MED23: variants seen among roughly 807,000 people sequenced by gnomAD.
The protein encoded by MED23 is mediator complex subunit 23.
Under a neutral mutation model 163.9 loss-of-function variants are expected in MED23, and 105 were observed. That is an observed-to-expected ratio of 0.64 (90% CI 0.55 to 0.75). MED23 has a LOEUF of 0.75. Among genes scored for constraint, MED23 ranks in the 30% least tolerant of loss-of-function variants. The probability of loss-of-function intolerance (pLI) is 0.00; values close to 1 mark genes in which losing one functional copy is unlikely to be tolerated. For missense variants in MED23, 1,054 were observed against 1,649.0 expected (o/e 0.64, Z 6.25); for synonymous variants, 561 against 565.6 (o/e 0.99, Z 0.12).
rs1239088695 is a variant in MED23 at position 131,604,215 on chromosome 6, A to G, written c.1719T>C (p.Tyr573=). ...LVETYSRLLV[Y]MEIESLGIKG... is the part of the protein sequence containing the mutation. ...TGATGCCCAAAGACTCTATTTCCAT[A>G]TAGACCAATAAACGACTGTAAGTTT... The change falls in exon 15 of 29, where the codon TAT becomes TAC. Residue 573 remains tyrosine (Y), a synonymous_variant. Transcript: ENST00000368068. 6.2e-7 allele frequency: 1 copy of G among 1,613,582 alleles called. No individual in the cohort carries two copies. The highest frequency in any genetic ancestry group is 2.2e-5 in the East Asian group (1 of 44,866).
chr6:131,581,203 A>AT lies in MED23; in HGVS notation c.4095+6505dup, dbSNP rs766750593. 3.1e-6 allele frequency: 5 copies of AT among 1,613,588 alleles called. No individual in the cohort carries two copies. Among genetic ancestry groups the AT allele is most frequent in the Non-Finnish European group, 4.2e-6 (5 of 1,179,634 alleles). On this transcript the variant is annotated intron_variant, in intron 30 of 30. Transcript: ENST00000354577. ...ACTGCAAACCTGATGTTCACACAAA[A>AT]TTTTTTCCCCAAAAGTTTGGCAATT...
Position 131,610,114 on chromosome 6 carries a change from G to A in MED23, c.1009C>T (p.Gln337Ter), listed in dbSNP as rs762706206. The A allele has an allele frequency of 6.2e-7, 1 of 1,614,042 alleles. No homozygotes were observed. The highest frequency in any genetic ancestry group is 8.5e-7 in the Non-Finnish European group (1 of 1,179,956). ...TGGAAAAGCACAAAGAAAATGAGCT[G>A]ACTTGAGAGATGCTGCCACAGGAGT... ...SQLLWQHLSS[Q>*]LIFFVLFQFA... The change falls in exon 11 of 29, where the codon CAG (glutamine) becomes TAG (stop). Residue 337 changes from glutamine to a stop codon, truncating the protein, a stop_gained. Transcript: ENST00000368068. LOFTEE classifies it high-confidence loss of function.
At chr6:131,590,497 ATTTTG>A in intron 26 of MED23, 55 bp from the exon 27 acceptor site, 1 of 1,360,718 alleles carries the variant, frequency 7.3e-7, no homozygotes, top group Non-Finnish European at 1.0e-6. Context: ...AATTGTTTGA[ATTTTG>A]TTCATACAGT....
At chr6:131,612,403 A>G (rs916551532) in intron 10 of MED23, among the ~76,000 whole-genome samples, 2 of 152,090 alleles carry the variant, frequency 1.3e-5, no homozygotes, top group Non-Finnish European at 2.9e-5. Flanking sequence ...ACTCTCTACT[A>G]CATAGCAGAT....
chr6:131,601,954 A>G (rs1775516879), intron 17 of MED23, among the ~76,000 whole-genome samples: 2 of 152,248 alleles, frequency 1.3e-5, no homozygotes, highest in African/African-American at 4.8e-5. Flanking sequence ...AAGAGTGTAA[A>G]GCAGTCCTGA....
chr6:131,597,838 C>A (rs1184738186), intron 20 of MED23, among the ~76,000 whole-genome samples: 1 of 152,106 alleles, frequency 6.6e-6, no homozygotes, highest in African/African-American at 2.4e-5. Context: ...GTAATCCCAG[C>A]ACTTTGGGAA....
chr6:131,593,231 T>C, intron 23 of MED23, 60 bp from the exon 24 acceptor site: 1 of 1,598,394 alleles, frequency 6.3e-7, no homozygotes. Flanking sequence ...ATTTATCTGA[T>C]TATGAGCTGC....
chr6:131,587,963 T>C, intron 28 of MED23, 117 bp from the exon 29 acceptor site: 1 of 846,872 alleles, frequency 1.2e-6, no homozygotes. Flanking sequence ...GTGGGGTAGA[T>C]GAGAAGTTTC....
At chr6:131,596,204 T>A (rs199499421) in intron 21 of MED23, 41 bp from the exon 22 acceptor site, 49 of 1,559,368 alleles carry the variant, frequency 3.1e-5, no homozygotes, top group African/African-American at 1.2e-4. Flanking sequence ...GAGCATTTTT[T>A]AAAAAATTCT....
intron 30 of MED23, among the ~76,000 whole-genome samples, chr6:131,575,503 C>T (rs557816264): frequency 2.0e-5 from 3 of 152,216 alleles, no homozygotes; most frequent in African/African-American, 4.8e-5. Context: ...GAGGATAGGG[C>T]GGGTCCCTTG....
At chr6:131,574,359 A>C in intron 30 of MED23, 1 of 1,587,064 alleles carries the variant, frequency 6.3e-7, no homozygotes, top group Non-Finnish European at 8.7e-7. Flanking sequence ...CTGTCAGTAA[A>C]TACTACTTTG....
At chr6:131,578,925 T>C (rs1773769940) in intron 30 of MED23, among the ~76,000 whole-genome samples, 1 of 152,174 alleles carries the variant, frequency 6.6e-6, no homozygotes, top group Non-Finnish European at 1.5e-5. Context: ...CAGTGTGTGA[T>C]ACTGGTAACA....
chr6:131,598,527 AT>A lies in MED23; in HGVS notation c.2426+28del. The A allele has an allele frequency of 6.2e-7, 1 of 1,613,390 alleles. No individual in the cohort carries two copies. The highest frequency in any genetic ancestry group is 8.5e-7 in the Non-Finnish European group (1 of 1,179,338). On this transcript the variant is annotated intron_variant, in intron 19 of 28. Transcript: ENST00000368068. This position sits in a 1 kb window ranked among gnomAD's most constrained non-coding sequence, Gnocchi z 4.7. ...TTGTATGGATACAACAATTTGCCAA[AT>A]GGAATGCAAATTAGGTTTTTGACTT...
rs1251486459 is a variant in MED23 at position 131,628,207 on chromosome 6, C to G, written c.-158G>C. The G allele has an allele frequency of 1.2e-6, 1 of 804,378 alleles. No individual in the cohort carries two copies. Among genetic ancestry groups the G allele is most frequent in the Non-Finnish European group, 2.1e-6 (1 of 480,420 alleles). 49.8% of individuals were successfully genotyped at this position (804,378 alleles called of 1,614,324 possible). On this transcript the variant is annotated 5_prime_UTR_variant, in exon 1 of 29. Transcript: ENST00000368068. ...GCGCTTTACCTGGAGCGTTCCCTCC[C>G]GAGCCCAGCCAACAGCAGGAACCTG... is the stretch of plus-strand genomic sequence containing the variant.
chr6:131,625,722 A>G (rs1481225939), intron 3 of MED23, among the ~76,000 whole-genome samples: 1 of 152,222 alleles, frequency 6.6e-6, no homozygotes, highest in Non-Finnish European at 1.5e-5. Context: ...AAGATATTCA[A>G]CATCACTGAG....
intron 20 of MED23, 84 bp from the exon 21 acceptor site, chr6:131,596,772 A>C (rs540373349): frequency 1.2e-5 from 15 of 1,289,286 alleles, no homozygotes; most frequent in Non-Finnish European, 1.5e-5. Context: ...AGATTTTAAC[A>C]AAGTAAAATC....
intron 10 of MED23, among the ~76,000 whole-genome samples, chr6:131,614,889 T>C (rs1396321003): frequency 1.3e-5 from 2 of 151,914 alleles, no homozygotes; most frequent in East Asian, 3.8e-4. Flanking sequence ...GTTATTTTTC[T>C]TTATTTGTTT....
intron 11 of MED23, 95 bp downstream of exon 11, chr6:131,609,949 TTC>T: frequency 8.4e-7 from 1 of 1,191,444 alleles, no homozygotes; most frequent in Non-Finnish European, 1.2e-6. Context: ...GGCTCAGAAC[TTC>T]TGTCAGTTCT....
chr6:131,591,416 C>T lies in MED23; in HGVS notation c.3583G>A (p.Ala1195Thr), dbSNP rs1774624599. The change falls in exon 26 of 29, where the codon GCC becomes ACC. Residue 1195 changes from alanine to threonine, a missense_variant. By Grantham distance (58) the Ala-to-Thr change is moderately conservative. This residue lies in a region of MED23 where 362 missense variants were observed against 471.6 expected (regional missense o/e 0.77). Transcript: ENST00000368068. ...GYPFRLFDFT[A>T]CHQSYSEMSC... Reference sequence around the variant, plus strand: ...ATCTCAGAGTAGGACTGATGACAGGCAGTGAAATCAAAGAGGCGGAATGGA... The same window carrying T: ...ATCTCAGAGTAGGACTGATGACAGGTAGTGAAATCAAAGAGGCGGAATGGA... 9 of 1,613,774 alleles carry T rather than the reference C, an allele frequency of 5.6e-6. No individual in the cohort carries two copies. Among genetic ancestry groups the T allele is most frequent in the South Asian group, 5.5e-5 (5 of 91,080 alleles).
Sources: allele counts gnomAD v4.1 joint callset (sites outside exome capture counted in the v4.1 genomes callset), GRCh38; gene constraint gnomAD v4.1.1; regional missense constraint gnomAD v4.1.1; non-coding constraint Gnocchi (gnomAD v3.1); transcripts MANE v1.5; gene names NCBI Gene and HGNC (gene_info 2026-07-23, HGNC 2026-07-21).